FBXL22: variants seen among roughly 807,000 people sequenced by gnomAD.
FBXL22 encodes F-box and leucine-rich protein 22.
FBXL22 carries 13 observed loss-of-function variants against 11.7 expected under a neutral mutation model. The observed-to-expected ratio is 1.11, with a 90% CI of 0.73 to 1.77. The LOEUF (loss-of-function observed/expected upper bound fraction) is 1.77. FBXL22 is among the 40% of genes most tolerant of loss of function. FBXL22 has a pLI of 0.00. For synonymous variants in FBXL22, 160 were observed against 144.1 expected (o/e 1.11, Z -0.79); for missense variants, 406 against 320.4 (o/e 1.27, Z -2.04).
At chr15:63,606,041 G>C (rs1028706945), downstream of FBXL22, among the ~76,000 whole-genome samples, 3 of 152,334 alleles carry the variant, frequency 2.0e-5, no homozygotes, top group Middle Eastern at 3.4e-3. Flanking sequence ...TGTTCGGAGG[G>C]GAAGTGACTG....
chr15:63,601,394 C>A, downstream of FBXL22: 1 of 1,600,708 alleles, frequency 6.2e-7, no homozygotes, highest in Non-Finnish European at 8.5e-7. Context: ...TGGGGAGGAC[C>A]TGACCACTCG....
At chr15:63,607,907 C>A in the FBXL22 span, among the ~76,000 whole-genome samples, 1 of 152,232 alleles carries the variant, frequency 6.6e-6, no homozygotes, top group Non-Finnish European at 1.5e-5. Context: ...AACACAGGCT[C>A]ACCCTGATGC....
At chr15:63,601,777 G>T (rs1215692666), downstream of FBXL22, 2 of 1,403,906 alleles carry the variant, frequency 1.4e-6, no homozygotes, top group Non-Finnish European at 1.9e-6. Flanking sequence ...TTCTCATAAG[G>T]GAAAAAGAAA....
downstream of FBXL22, among the ~76,000 whole-genome samples, chr15:63,603,025 CCTTT>C (rs2067392903): frequency 6.6e-6 from 1 of 152,308 alleles, no homozygotes; most frequent in East Asian, 1.9e-4. Context: ...ACGTCCCTCC[CCTTT>C]CTCACCAGAT....
downstream of FBXL22, among the ~76,000 whole-genome samples, chr15:63,606,938 A>G (rs1566932142): frequency 6.6e-6 from 1 of 152,150 alleles, no homozygotes; most frequent in Non-Finnish European, 1.5e-5. Flanking sequence ...TAGAGACTGC[A>G]GAGGTATCCT....
chr15:63,606,569 A>G (rs1480782817), downstream of FBXL22, among the ~76,000 whole-genome samples: 1 of 152,156 alleles, frequency 6.6e-6, no homozygotes, highest in Non-Finnish European at 1.5e-5. Flanking sequence ...AAAAGTCAAG[A>G]GAGGCCGGGC....
downstream of FBXL22, among the ~76,000 whole-genome samples, chr15:63,606,077 G>A (rs902343573): frequency 1.5e-4 from 23 of 152,230 alleles, no homozygotes; most frequent in African/African-American, 4.8e-4. Context: ...ACCACGGCAC[G>A]CTGACAGGAA....
At chr15:63,600,340 C>G in intron 1 of FBXL22, 1 of 1,054,182 alleles carries the variant, frequency 9.5e-7, no homozygotes, top group Non-Finnish European at 1.1e-6. Flanking sequence ...TGCAAGGCAG[C>G]ACATCCAGAG....
downstream of FBXL22, among the ~76,000 whole-genome samples, chr15:63,603,024 C>T (rs2067392867): frequency 6.6e-6 from 1 of 152,192 alleles, no homozygotes. Flanking sequence ...CACGTCCCTC[C>T]CCTTTCTCAC....
At position 63,597,626 on chromosome 15, in the gene FBXL22, G is replaced by A; in HGVS notation, c.234G>A (p.Trp78Ter). The A allele has an allele frequency of 6.2e-7, 1 of 1,613,600 alleles. No homozygotes were observed. ...GPALRSLSIC[W>*]HSSRVQVCSI... ...CACTCCGCAGCCTCTCCATCTGCTG[G>A]CACTCCAGCCGCGTGCAGGTGTGCA... The change falls in exon 1 of 2, where the codon TGG becomes TGA. Residue 78 changes from tryptophan (W) to a stop codon, truncating the protein, a stop_gained. Coordinates refer to ENST00000638704, the MANE Select transcript of FBXL22 (RefSeq NM_001367807.1). LOFTEE classifies it high-confidence loss of function. The surrounding 1 kb of genome is among the most constrained non-coding windows in gnomAD (Gnocchi z 4.3).
chr15:63,602,206 A>G, downstream of FBXL22: 1 of 152,968 alleles, frequency 6.5e-6, no homozygotes, highest in Non-Finnish European at 1.5e-5. Context: ...TCAAATAGGG[A>G]AACGGCAAGG....
intron 1 of FBXL22, among the ~76,000 whole-genome samples, chr15:63,598,515 C>G (rs565379379): frequency 6.6e-6 from 1 of 152,348 alleles, no homozygotes; most frequent in African/African-American, 2.4e-5. Context: ...GTCCCAGCCT[C>G]ATGGGCAGAG....
downstream of FBXL22, chr15:63,601,536 A>C: frequency 6.4e-7 from 1 of 1,556,994 alleles, no homozygotes; most frequent in Non-Finnish European, 8.7e-7. Context: ...CGCCACCTCC[A>C]GGAGCCCCGG....
In FBXL22 at chr15:63,600,715, C is replaced by A. The variant is rs937307763; in HGVS notation, c.372C>A (p.Ser124=). 1 of 1,231,526 alleles carries A rather than the reference C, an allele frequency of 8.1e-7. No individual in the cohort carries two copies. The highest frequency in any genetic ancestry group is 1.0e-6 in the Non-Finnish European group (1 of 987,798). The allele number at this position is 1,231,526 out of a possible 1,614,324, so 76.3% of individuals were successfully genotyped here. A position where few individuals can be genotyped will look rare whatever the true frequency, so the allele number is the denominator to read the frequency against. ...CTCACAGGTGCCCCAACCTGGCGTC[C>A]GTCACGCTCTCGGGCTGCGGCCACG... ...RVCDRCPNLA[S]VTLSGCGHVT... is the part of the protein sequence containing the mutation. The change falls in exon 2 of 2, where the codon TCC becomes TCA. Residue 124 remains serine, a synonymous_variant. Coordinates refer to ENST00000638704, the MANE Select transcript of FBXL22 (RefSeq NM_001367807.1).
At chr15:63,606,400 G>A (rs1346793155), downstream of FBXL22, among the ~76,000 whole-genome samples, 3 of 152,144 alleles carry the variant, frequency 2.0e-5, no homozygotes, top group African/African-American at 7.2e-5. Flanking sequence ...GCTGCTTAAG[G>A]GTCATAAAAA....
chr15:63,599,348 C>T, intron 1 of FBXL22: 1 of 1,442,896 alleles, frequency 6.9e-7, no homozygotes, highest in Non-Finnish European at 9.1e-7. Context: ...AAAGATCACC[C>T]AACACCTTTG....
Position 63,597,789 on chromosome 15 carries a change from T to G in FBXL22, c.353+44T>G. The stretch of plus-strand genomic sequence containing the variant: ...TGAGCAGTGCTGGCCCCGCTAGCTC[T>G]GGCTTCCCTCTTGGGGGGCAGGGAA... On this transcript the variant is annotated intron_variant, in intron 1 of 1. Transcript: ENST00000638704. This position sits in a 1 kb window ranked among gnomAD's most constrained non-coding sequence, Gnocchi z 4.3. 6.6e-7 allele frequency: 1 copy of G among 1,513,494 alleles called. No homozygotes were observed. The highest frequency in any genetic ancestry group is 8.9e-7 in the Non-Finnish European group (1 of 1,127,558). 93.8% of individuals were successfully genotyped at this position (1,513,494 alleles called of 1,614,324 possible).
chr15:63,606,391 C>T (rs2067413027), downstream of FBXL22, among the ~76,000 whole-genome samples: 1 of 152,172 alleles, frequency 6.6e-6, no homozygotes, highest in African/African-American at 2.4e-5. Flanking sequence ...TTGCTTGAGG[C>T]TGCTTAAGGG....
chr15:63,598,534 G>C (rs1175252676), intron 1 of FBXL22, among the ~76,000 whole-genome samples: 1 of 152,166 alleles, frequency 6.6e-6, no homozygotes, highest in African/African-American at 2.4e-5. Context: ...AGCGGCCCAG[G>C]CAAGAACACA....
Sources: gnomAD v4.1 joint callset for allele counts (sites outside exome capture counted in the v4.1 genomes callset) on GRCh38, gnomAD v4.1.1 for gene constraint, Gnocchi (gnomAD v3.1) non-coding constraint, MANE v1.5 for transcripts, NCBI Gene and HGNC (gene_info 2026-07-23, HGNC 2026-07-21) for gene names.